Variants in WBP2NL observed in about 807,000 individuals in gnomAD.
WBP2NL encodes postacrosomal sheath WW domain-binding protein.
WBP2NL carries 27 observed loss-of-function variants against 23.3 expected under a neutral mutation model. The ratio of observed to expected loss-of-function variants is 1.16; its 90% CI spans 0.85 to 1.60. The LOEUF (loss-of-function observed/expected upper bound fraction) is 1.60, where lower values mean the gene tolerates loss of function less well. Among genes scored for constraint, WBP2NL ranks in the 40% most tolerant of loss-of-function variants. WBP2NL has a pLI of 0.00. For synonymous variants in WBP2NL, 151 were observed against 145.9 expected (o/e 1.03, Z -0.25); for missense variants, 370 against 389.5 (o/e 0.95, Z 0.42).
chr22:42,053,528 C>T (rs1925913227), intron 8 of WBP2NL, among the ~76,000 whole-genome samples: 1 of 151,644 alleles, frequency 6.6e-6, no homozygotes, highest in Non-Finnish European at 1.5e-5. Context: ...GGCGCGATCT[C>T]AGCTCACCAC....
chr22:42,044,593 A>C (rs1229407785), intron 8 of WBP2NL, among the ~76,000 whole-genome samples: 1 of 152,192 alleles, frequency 6.6e-6, no homozygotes, highest in African/African-American at 2.4e-5. Context: ...GCTTAAGCCC[A>C]GGAGTTCGAG....
intron 8 of WBP2NL, among the ~76,000 whole-genome samples, chr22:42,054,512 A>G (rs1057292411): frequency 3.9e-5 from 6 of 152,024 alleles, no homozygotes; most frequent in African/African-American, 1.4e-4. Context: ...TTAGTGTCCT[A>G]TCTAAGAAAC....
intron 1 of WBP2NL, among the ~76,000 whole-genome samples, chr22:42,013,386 CAAAAAA>C (rs879371078): frequency 2.4e-5 from 2 of 84,450 alleles, no homozygotes; most frequent in African/African-American, 8.9e-5. Context: ...AACTCCATCT[CAAAAAA>C]AAAAAAAAGA....
At chr22:42,006,901 G>A (rs1922306109) in intron 1 of WBP2NL, among the ~76,000 whole-genome samples, 1 of 152,116 alleles carries the variant, frequency 6.6e-6, no homozygotes. Flanking sequence ...CTGTAAAATG[G>A]GAATCATTGA....
downstream of WBP2NL, among the ~76,000 whole-genome samples, chr22:42,034,418 AT>A (rs1925102926): frequency 1.3e-5 from 2 of 152,174 alleles, no homozygotes; most frequent in African/African-American, 4.8e-5. Context: ...TTTATTAGGG[AT>A]TTTCAAAAGG....
At chr22:42,008,500 C>T (rs755307084) in intron 1 of WBP2NL, among the ~76,000 whole-genome samples, 1 of 152,020 alleles carries the variant, frequency 6.6e-6, no homozygotes, top group African/African-American at 2.4e-5. Flanking sequence ...AGCCACCATG[C>T]CTGGACCTGT....
At chr22:42,011,163 T>A (rs1038994611) in intron 1 of WBP2NL, among the ~76,000 whole-genome samples, 1 of 152,230 alleles carries the variant, frequency 6.6e-6, no homozygotes. Flanking sequence ...AGCCTAGAAG[T>A]GTTTCTTCCT....
At chr22:42,005,095 T>C (rs767754939) in intron 1 of WBP2NL, among the ~76,000 whole-genome samples, 7 of 151,802 alleles carry the variant, frequency 4.6e-5, no homozygotes, top group African/African-American at 7.3e-5. Context: ...TGCGTGCCTG[T>C]AATCCCGGCT....
chr22:42,013,307 A>T (rs1485704371), intron 1 of WBP2NL, among the ~76,000 whole-genome samples: 1 of 151,536 alleles, frequency 6.6e-6, no homozygotes, highest in East Asian at 1.9e-4. Context: ...AATCACTTGA[A>T]CCTGGGAGGT....
intron 1 of WBP2NL, among the ~76,000 whole-genome samples, chr22:42,008,088 C>CCTTTCCTTTCCTTTCCTTTCCT: frequency 8.1e-6 from 1 of 123,784 alleles, no homozygotes. Context: ...CTCTTCTCCT[C>CCTTTCCTTTCCTTTCCTTTCCT]TTCCTTTCCT....
At position 42,027,063 on chromosome 22, in the gene WBP2NL, C is replaced by T. The variant is rs759783729; in HGVS notation, c.812C>T (p.Ala271Val). Reference protein sequence around the residue: ...APPAGNEGPPAGYRASPAGSG... With the variant: ...APPAGNEGPPVGYRASPAGSG... Reference sequence around the variant, plus strand: ...CCTGCAGGAAATGAAGGCCCGCCTGCGGGATACAGAGCCTCACCTGCTGGA... The same window carrying T: ...CCTGCAGGAAATGAAGGCCCGCCTGTGGGATACAGAGCCTCACCTGCTGGA... Residue 271 changes from alanine (A) to valine (V), a missense_variant, in exon 6 of 6, where the codon GCG becomes GTG. Physicochemically the swap from Ala to Val is moderately conservative, Grantham distance 64 (BLOSUM62 0). Transcript: ENST00000328823. 7 of 1,613,654 alleles carry T rather than the reference C, an allele frequency of 4.3e-6. No individual in the cohort carries two copies. Among genetic ancestry groups the T allele is most frequent in the Admixed American group, 3.3e-5 (2 of 59,974 alleles).
At chr22:42,017,421 C>CTTA (rs1288381804) in intron 1 of WBP2NL, among the ~76,000 whole-genome samples, 3 of 152,110 alleles carry the variant, frequency 2.0e-5, no homozygotes, top group Non-Finnish European at 4.4e-5. Flanking sequence ...GAATACTACC[C>CTTA]ATCTCTTAAT....
chr22:42,026,457 T>C (rs2082568971), intron 5 of WBP2NL, among the ~76,000 whole-genome samples: 1 of 152,074 alleles, frequency 6.6e-6, no homozygotes. Flanking sequence ...CAAACGCATA[T>C]TCCTCATTAA....
chr22:42,034,903 T>C (rs1169456430), downstream of WBP2NL, among the ~76,000 whole-genome samples: 1 of 152,260 alleles, frequency 6.6e-6, no homozygotes, highest in Non-Finnish European at 1.5e-5. Flanking sequence ...ACAATTGCTG[T>C]TATCCTGTTC....
chr22:42,015,559 C>T (rs138531563), intron 1 of WBP2NL, among the ~76,000 whole-genome samples: 4 of 151,918 alleles, frequency 2.6e-5, no homozygotes, highest in East Asian at 3.9e-4. Flanking sequence ...CCCACCACTA[C>T]GCCCAGCTAA....
chr22:41,999,530 C>G (rs1450806875), intron 1 of WBP2NL, among the ~76,000 whole-genome samples: 1 of 152,180 alleles, frequency 6.6e-6, no homozygotes, highest in Non-Finnish European at 1.5e-5. Flanking sequence ...TGCCTCTTAT[C>G]CCAACAGTTT....
chr22:42,035,038 T>G (rs973161986), downstream of WBP2NL, among the ~76,000 whole-genome samples: 1 of 152,186 alleles, frequency 6.6e-6, no homozygotes, highest in Non-Finnish European at 1.5e-5. Context: ...GATTAAGAGA[T>G]TAAAGCAAAG....
intron 4 of WBP2NL, among the ~76,000 whole-genome samples, chr22:42,021,443 G>A (rs1041577629): frequency 1.3e-5 from 2 of 152,136 alleles, no homozygotes; most frequent in Non-Finnish European, 2.9e-5. Context: ...TACGTTATTT[G>A]TAAAAAGGGT....
At chr22:42,049,170 G>A (rs78036465) in intron 8 of WBP2NL, among the ~76,000 whole-genome samples, 2,580 of 152,266 alleles carry the variant, frequency 0.017, 29 homozygotes, top group Non-Finnish European at 0.023. Flanking sequence ...AAGTAGATTA[G>A]TGGAACAGAA....
Sources: allele counts gnomAD v4.1 joint callset (sites outside exome capture counted in the v4.1 genomes callset), GRCh38; gene constraint gnomAD v4.1.1; transcripts MANE v1.5; gene names NCBI Gene and HGNC (gene_info 2026-07-23, HGNC 2026-07-21).